The following SEMA3A variants were observed in gnomAD, a reference collection of about 807,000 sequenced individuals.
SEMA3A encodes the protein semaphorin 3A.
A neutral mutation model predicts 97.9 loss-of-function variants in SEMA3A; 29 were observed. The observed-to-expected ratio is 0.30, with a 90% CI of 0.22 to 0.40. SEMA3A has a LOEUF of 0.40. SEMA3A is among the 10% of genes least tolerant of loss of function. The pLI, the probability that SEMA3A is intolerant of heterozygous loss-of-function variation, is 1.00. For synonymous variants in SEMA3A, 321 were observed against 323.7 expected (o/e 0.99, Z 0.09); for missense variants, 763 against 951.3 (o/e 0.80, Z 2.60).
chr7:84,300,829 T>C (rs552124866), intron 3 of SEMA3A, among the ~76,000 whole-genome samples: 30 of 152,180 alleles, frequency 2.0e-4, no homozygotes, highest in Admixed American at 4.6e-4. Flanking sequence ...CCTTGAAGCA[T>C]CTTGACCTAA....
intron 3 of SEMA3A, among the ~76,000 whole-genome samples, chr7:84,271,953 T>G (rs1236342835): frequency 6.6e-6 from 1 of 152,088 alleles, no homozygotes; most frequent in East Asian, 1.9e-4. Context: ...AATTACTAAA[T>G]GCAAGCACTG....
At chr7:84,115,088 A>AT (rs1285510087) in intron 3 of SEMA3A, among the ~76,000 whole-genome samples, 2 of 152,028 alleles carry the variant, frequency 1.3e-5, no homozygotes, top group African/African-American at 4.8e-5. Flanking sequence ...ATGCTTTTAT[A>AT]TTTTTTAGAG....
intron 2 of SEMA3A, among the ~76,000 whole-genome samples, chr7:84,317,479 A>G (rs1801537747): frequency 6.6e-6 from 1 of 152,196 alleles, no homozygotes; most frequent in Non-Finnish European, 1.5e-5. Flanking sequence ...ATAGAGCTTT[A>G]TCATAAGATA....
intron 1 of SEMA3A, among the ~76,000 whole-genome samples, chr7:84,460,547 T>C (rs1346614655): frequency 6.6e-6 from 1 of 152,216 alleles, no homozygotes; most frequent in Non-Finnish European, 1.5e-5. Flanking sequence ...CCTTAAATCT[T>C]ACCACTTGAT....
chr7:84,219,854 C>T (rs1798836652), intron 3 of SEMA3A, among the ~76,000 whole-genome samples: 1 of 152,086 alleles, frequency 6.6e-6, no homozygotes, highest in African/African-American at 2.4e-5. Context: ...TGAACCAACC[C>T]CTGCTAGCTC....
intron 3 of SEMA3A, among the ~76,000 whole-genome samples, chr7:84,266,127 T>A (rs978162900): frequency 1.3e-5 from 2 of 151,828 alleles, no homozygotes; most frequent in African/African-American, 4.8e-5. Flanking sequence ...AAGACCAGCC[T>A]GGCCAACATG....
At chr7:84,220,673 G>A (rs948220963) in intron 3 of SEMA3A, among the ~76,000 whole-genome samples, 2 of 152,152 alleles carry the variant, frequency 1.3e-5, no homozygotes, top group Non-Finnish European at 2.9e-5. Context: ...GGGTAATGAA[G>A]TGCATTGTCA....
chr7:84,251,841 C>A (rs1799617503), intron 3 of SEMA3A, among the ~76,000 whole-genome samples: 1 of 152,136 alleles, frequency 6.6e-6, no homozygotes, highest in Admixed American at 6.6e-5. Flanking sequence ...TTTTCCTACT[C>A]ATGTGAGCTA....
chr7:84,469,370 AG>A (rs1239462068), intron 1 of SEMA3A, among the ~76,000 whole-genome samples: 3 of 152,172 alleles, frequency 2.0e-5, no homozygotes, highest in Non-Finnish European at 4.4e-5. Flanking sequence ...TTTAAACAGA[AG>A]AAAAGAGTAG....
intron 5 of SEMA3A, among the ~76,000 whole-genome samples, chr7:84,051,236 A>G (rs1224219125): frequency 1.3e-5 from 2 of 151,602 alleles, no homozygotes; most frequent in Non-Finnish European, 2.9e-5. Flanking sequence ...GTTTTTTCCA[A>G]TTCTGTGAAG....
intron 1 of SEMA3A, among the ~76,000 whole-genome samples, chr7:84,156,722 T>C (rs895307365): frequency 2.0e-5 from 3 of 152,122 alleles, no homozygotes; most frequent in Admixed American, 6.5e-5. Context: ...CAGCTGTGTG[T>C]TTTAGCCATA....
intron 2 of SEMA3A, among the ~76,000 whole-genome samples, chr7:84,312,139 C>T (rs1801339364): frequency 4.6e-5 from 7 of 151,928 alleles, no homozygotes. Context: ...AACTTCCAAA[C>T]CTAATTTTTT....
chr7:84,166,911 G>T (rs754615296), intron 1 of SEMA3A, among the ~76,000 whole-genome samples: 118 of 150,852 alleles, frequency 7.8e-4, no homozygotes, highest in Non-Finnish European at 1.5e-3. Context: ...AAGAAGCTGA[G>T]GTGGGTAGCA....
At chr7:84,373,600 A>C (rs933676440) in intron 1 of SEMA3A, among the ~76,000 whole-genome samples, 1 of 152,164 alleles carries the variant, frequency 6.6e-6, no homozygotes, top group Admixed American at 6.5e-5. Context: ...CAAAGCTCTA[A>C]ATTTGTTCCT....
chr7:84,280,383 A>G (rs1371430844), intron 3 of SEMA3A, among the ~76,000 whole-genome samples: 3 of 152,196 alleles, frequency 2.0e-5, no homozygotes. Flanking sequence ...GTACCACGGC[A>G]ATTTATTTCA....
intron 11 of SEMA3A, 132 bp downstream of exon 11, chr7:84,005,205 CAA>C: frequency 1.5e-6 from 1 of 655,244 alleles, no homozygotes; most frequent in Non-Finnish European, 2.7e-6. Flanking sequence ...TTGGGGAAAT[CAA>C]AAGTTAGTTA....
At chr7:84,154,913 A>G (rs572235488) in intron 1 of SEMA3A, among the ~76,000 whole-genome samples, 2 of 152,074 alleles carry the variant, frequency 1.3e-5, no homozygotes, top group East Asian at 3.9e-4. Flanking sequence ...ATTTATATCA[A>G]TATATTTTTG....
chr7:84,032,950 T>A (rs771022034), intron 6 of SEMA3A, among the ~76,000 whole-genome samples: 2 of 152,000 alleles, frequency 1.3e-5, no homozygotes, highest in Non-Finnish European at 2.9e-5. Context: ...TAATTTGTGG[T>A]TTCATATTTG....
chr7:84,370,395 A>C (rs944453158), intron 2 of SEMA3A, among the ~76,000 whole-genome samples: 11 of 151,722 alleles, frequency 7.3e-5, no homozygotes, highest in Non-Finnish European at 1.3e-4. Flanking sequence ...ATTTTAGCAT[A>C]AGTTTCCTTC....
Sources: allele counts gnomAD v4.1 joint callset (sites outside exome capture counted in the v4.1 genomes callset), GRCh38; gene constraint gnomAD v4.1.1; transcripts MANE v1.5; gene names NCBI Gene and HGNC (gene_info 2026-07-23, HGNC 2026-07-21).